VAC14: variants seen among roughly 807,000 people sequenced by gnomAD.
VAC14 encodes VAC14 component of PIKFYVE complex, also known as protein VAC14 homolog.
A neutral mutation model predicts 85.3 loss-of-function variants in VAC14; 47 were observed. The observed-to-expected ratio is 0.55, with a 90% CI of 0.44 to 0.70. The LOEUF is 0.70. Ranked by LOEUF, VAC14 falls within the 30% of genes least tolerant of loss-of-function variation. The pLI, the probability that VAC14 is intolerant of heterozygous loss-of-function variation, is 0.00. For synonymous variants in VAC14, 447 were observed against 430.5 expected (o/e 1.04, Z -0.47); for missense variants, 861 against 1,004.3 (o/e 0.86, Z 1.93).
intron 13 of VAC14, among the ~76,000 whole-genome samples, chr16:70,738,470 G>A (rs543815202): frequency 1.1e-3 from 170 of 152,312 alleles, no homozygotes; most frequent in Non-Finnish European, 1.9e-3. Flanking sequence ...TCCAGCTGAC[G>A]CGGCAGTGGA....
chr16:70,751,688 G>A (rs947928174), intron 12 of VAC14, among the ~76,000 whole-genome samples: 4 of 152,206 alleles, frequency 2.6e-5, no homozygotes, highest in Non-Finnish European at 4.4e-5. Flanking sequence ...CTAGGAAGCC[G>A]GGCTGCTGTA....
At chr16:70,746,411 G>A (rs2030893721) in intron 12 of VAC14, among the ~76,000 whole-genome samples, 1 of 152,200 alleles carries the variant, frequency 6.6e-6, no homozygotes, top group Admixed American at 6.5e-5. Context: ...ACCCTGCTCT[G>A]TGCCAGCGGC....
chr16:70,692,430 C>G (rs1396731421), intron 18 of VAC14, among the ~76,000 whole-genome samples: 3 of 152,148 alleles, frequency 2.0e-5, no homozygotes, highest in Non-Finnish European at 4.4e-5. Flanking sequence ...CACAGACAGC[C>G]ACTGGGGCCC....
chr16:70,776,840 T>A (rs1458695176), intron 9 of VAC14, among the ~76,000 whole-genome samples: 1 of 149,884 alleles, frequency 6.7e-6, no homozygotes, highest in Non-Finnish European at 1.5e-5. Flanking sequence ...TGAGATGGAG[T>A]CTTGCTCTGT....
intron 14 of VAC14, among the ~76,000 whole-genome samples, chr16:70,708,529 C>T (rs1438472478): frequency 1.3e-5 from 2 of 152,178 alleles, no homozygotes; most frequent in Non-Finnish European, 2.9e-5. Context: ...GCAAGGAGTC[C>T]CTGTGAGGGA....
At chr16:70,714,396 G>A (rs1236294551) in intron 14 of VAC14, 1 of 152,244 alleles carries the variant, frequency 6.6e-6, no homozygotes, top group Non-Finnish European at 1.5e-5. Context: ...AGGAGAAGCA[G>A]AAGGAACTGG....
intron 12 of VAC14, among the ~76,000 whole-genome samples, chr16:70,750,086 T>C (rs2031253964): frequency 1.3e-5 from 2 of 152,114 alleles, no homozygotes; most frequent in South Asian, 4.1e-4. Context: ...GAGAAGGCGA[T>C]CTCAGTGGCC....
intron 14 of VAC14, among the ~76,000 whole-genome samples, chr16:70,725,226 G>A (rs899217146): frequency 1.3e-5 from 2 of 152,254 alleles, no homozygotes; most frequent in African/African-American, 2.4e-5. Flanking sequence ...AGGGGGTCCC[G>A]ATGCCAAATG....
At chr16:70,784,647 G>A (rs1254387968) in intron 4 of VAC14, 129 bp downstream of exon 4, 7 of 897,054 alleles carry the variant, frequency 7.8e-6, no homozygotes, top group African/African-American at 3.3e-5. Flanking sequence ...TGCACACCAG[G>A]GAGTACATGT....
In VAC14 at chr16:70,781,964, T is replaced by C. The variant is rs2033833455; in HGVS notation, c.851A>G (p.Glu284Gly). 1 of 1,613,882 alleles carries C rather than the reference T, an allele frequency of 6.2e-7. No individual in the cohort carries two copies. The change falls in exon 8 of 19, where the codon GAG (glutamate) becomes GGG (glycine). Residue 284 changes from glutamate to glycine, a missense_variant. Glu to Gly is a moderately conservative substitution (Grantham distance 98). Coordinates refer to ENST00000261776, the MANE Select transcript of VAC14 (RefSeq NM_018052.5). ...IQLTAMCWMREFIQLAGRVML... is the reference protein window; with the variant it reads ...IQLTAMCWMRGFIQLAGRVML... The stretch of plus-strand genomic sequence containing the variant: ...GACGCGGCCCGCCAGCTGGATGAAC[T>C]CCCGCATCCAGCACATGGCTGTCAG...
chr16:70,690,829 C>T (rs1386521032), intron 18 of VAC14: 1 of 985,426 alleles, frequency 1.0e-6, no homozygotes, highest in East Asian at 1.1e-4. Context: ...TTCTGTGCCC[C>T]TATCTATGGT....
intron 12 of VAC14, among the ~76,000 whole-genome samples, chr16:70,753,807 G>C (rs750746265): frequency 1.4e-4 from 21 of 152,214 alleles, no homozygotes; most frequent in Non-Finnish European, 2.8e-4. Context: ...GCCGGGGCTG[G>C]ATAGTGTGCT....
At chr16:70,722,772 CTGTATA>C (rs1409698722) in intron 14 of VAC14, among the ~76,000 whole-genome samples, 2 of 152,154 alleles carry the variant, frequency 1.3e-5, no homozygotes, top group African/African-American at 2.4e-5. Context: ...AAACCTACCA[CTGTATA>C]TGCATTTTTT....
chr16:70,692,615 G>A (rs2053619214), intron 18 of VAC14, among the ~76,000 whole-genome samples: 1 of 152,230 alleles, frequency 6.6e-6, no homozygotes, highest in African/African-American at 2.4e-5. Context: ...AGGGCTCCCA[G>A]AATCCCTTGC....
intron 18 of VAC14, chr16:70,688,745 T>C (rs2053544926): frequency 1.0e-6 from 1 of 985,444 alleles, no homozygotes; most frequent in Non-Finnish European, 1.2e-6. Context: ...CTAGTGTGCA[T>C]GATGCTCCCT....
At chr16:70,727,935 C>T (rs11861194) in intron 14 of VAC14, among the ~76,000 whole-genome samples, 3,943 of 152,254 alleles carry the variant, frequency 0.026, 179 homozygotes, top group African/African-American at 0.089. Flanking sequence ...GGTGGCTGTC[C>T]GCCAGGATGC....
rs780796483 is a variant in VAC14, at chr16:70,698,711, C to T, written c.1762G>A (p.Ala588Thr). ...DLKFASTMVHALNTILLTSTE... is the reference protein window; with the variant it reads ...DLKFASTMVHTLNTILLTSTE... ...GAGGTCAGCAGGATGGTGTTGAGGG[C>T]GTGGACCATGGTCGAGGCGAACTTG... The change falls in exon 15 of 19, where the codon GCC (alanine) becomes ACC (threonine). Residue 588 changes from alanine (A) to threonine (T), a missense_variant. This residue lies in a region of VAC14 where 69 missense variants were observed against 139.0 expected (regional missense o/e 0.50). Transcript: ENST00000261776. 22 of 1,614,076 alleles carry T rather than the reference C, an allele frequency of 1.4e-5. No homozygotes were observed. Among genetic ancestry groups the T allele is most frequent in the Middle Eastern group, 1.6e-4 (1 of 6,082 alleles).
At chr16:70,769,455 C>T (rs181640043) in intron 10 of VAC14, 1 of 152,382 alleles carries the variant, frequency 6.6e-6, no homozygotes, top group Non-Finnish European at 1.5e-5. Flanking sequence ...GGGCTGGAGC[C>T]CGGGCATGTT....
Position 70,691,361 on chromosome 16 carries a change from C to T in VAC14, c.2186+1460G>A, listed in dbSNP as rs572517276. Reference sequence around the variant, plus strand: ...CCTGCCTCCTCCCTGCTTCCGGCTGCACCTTCCCCTCCTGGGTGCCTGCCA... The same window carrying T: ...CCTGCCTCCTCCCTGCTTCCGGCTGTACCTTCCCCTCCTGGGTGCCTGCCA... On this transcript the variant is annotated intron_variant, in intron 18 of 18. Transcript: ENST00000261776. The T allele has an allele frequency of 2.1e-4, 205 of 985,462 alleles. 3 individuals are homozygous for T. In the South Asian group the frequency reaches 8.4e-3, roughly 40 times the overall value. The allele number at this position is 985,462 out of a possible 1,614,324, so 61.0% of individuals were successfully genotyped here.
Sources: gnomAD v4.1 joint callset for allele counts (sites outside exome capture counted in the v4.1 genomes callset) on GRCh38, gnomAD v4.1.1 for gene constraint, gnomAD v4.1.1 regional missense constraint, MANE v1.5 for transcripts, NCBI Gene and HGNC (gene_info 2026-07-23, HGNC 2026-07-21) for gene names.